The following METTL15 variants were observed in gnomAD, a reference collection of about 807,000 sequenced individuals.
The protein encoded by METTL15 is methyltransferase 15, mitochondrial 12S rRNA N4-cytidine, also known as 12S rRNA N(4)-cytidine methyltransferase METTL15.
Under a neutral mutation model 38.3 loss-of-function variants are expected in METTL15, and 34 were observed. The observed-to-expected ratio is 0.89, with a 90% CI of 0.68 to 1.18. The LOEUF is 1.18. Ranked by LOEUF, METTL15 falls within the 50% of genes most tolerant of loss-of-function variation. The pLI is 0.00. For missense variants in METTL15, 438 were observed against 498.4 expected (o/e 0.88, Z 1.15); for synonymous variants, 162 against 170.9 (o/e 0.95, Z 0.41).
At chr11:28,272,942 T>G (rs907928935) in intron 4 of METTL15, among the ~76,000 whole-genome samples, 3 of 152,204 alleles carry the variant, frequency 2.0e-5, no homozygotes, top group Non-Finnish European at 4.4e-5. Flanking sequence ...AAATATTTAT[T>G]GAGCACTTAT....
intron 6 of METTL15, chr11:28,327,966 CAA>C: frequency 1.1e-6 from 1 of 883,228 alleles, no homozygotes; most frequent in Non-Finnish European, 1.7e-6. Context: ...TGCAAAATAT[CAA>C]AGATAATGCT....
chr11:28,264,653 G>A (rs1204800000), intron 4 of METTL15, among the ~76,000 whole-genome samples: 4 of 152,028 alleles, frequency 2.6e-5, no homozygotes, highest in African/African-American at 9.7e-5. Flanking sequence ...AAACATTATA[G>A]TGCCCTAGAA....
At chr11:28,124,345 C>T (rs1421909091) in intron 3 of METTL15, among the ~76,000 whole-genome samples, 1 of 152,034 alleles carries the variant, frequency 6.6e-6, no homozygotes, top group Admixed American at 6.6e-5. Flanking sequence ...GTGACTATGC[C>T]CAAGCTCAGT....
chr11:28,276,541 A>G lies in METTL15; in HGVS notation c.408-13665A>G, dbSNP rs1009997909. ...AAAGCAATCTACAGATTTCACTACA[A>G]TCTGTATCAAACACCAATGTCATTC... On this transcript the variant is annotated intron_variant, in intron 4 of 6. Coordinates refer to ENST00000407364, the MANE Select transcript of METTL15 (RefSeq NM_001113528.2). Among the ~76,000 whole-genome samples the G allele has an allele frequency of 3.9e-5, 6 of 152,164 alleles. No individual in the cohort carries two copies. The South Asian group carries it at 6.2e-4, about 16-fold the overall frequency.
At chr11:28,363,615 A>G (rs1850160630) in intron 5 of METTL15, among the ~76,000 whole-genome samples, 1 of 152,008 alleles carries the variant, frequency 6.6e-6, no homozygotes, top group Admixed American at 6.5e-5. Context: ...GTTTGCAAAT[A>G]TTTTCTTCCA....
chr11:28,339,815 A>G (rs1849934282), intron 3 of METTL15, among the ~76,000 whole-genome samples: 1 of 152,170 alleles, frequency 6.6e-6, no homozygotes, highest in South Asian at 2.1e-4. Context: ...GGCATTCTCA[A>G]GGAATAAAAG....
At chr11:28,203,411 G>C (rs1590150933) in intron 3 of METTL15, among the ~76,000 whole-genome samples, 1 of 152,138 alleles carries the variant, frequency 6.6e-6, no homozygotes, top group African/African-American at 2.4e-5. Flanking sequence ...AACACTGGTT[G>C]TTTTTAACTG....
chr11:28,152,128 A>C (rs528095020), intron 3 of METTL15, among the ~76,000 whole-genome samples: 1 of 152,088 alleles, frequency 6.6e-6, no homozygotes, highest in African/African-American at 2.4e-5. Flanking sequence ...TACTTTATAT[A>C]CATTTTAGAC....
chr11:28,315,956 G>A (rs1166379384), intron 6 of METTL15, among the ~76,000 whole-genome samples: 1 of 152,240 alleles, frequency 6.6e-6, no homozygotes, highest in East Asian at 1.9e-4. Context: ...GCATGCCCAG[G>A]CAGATGTTTG....
chr11:28,290,723 A>G (rs1041524605), intron 5 of METTL15, among the ~76,000 whole-genome samples: 2 of 151,882 alleles, frequency 1.3e-5, no homozygotes, highest in South Asian at 2.1e-4. Flanking sequence ...CAACGATTTC[A>G]TTTTTTTGCA....
intron 5 of METTL15, among the ~76,000 whole-genome samples, chr11:28,395,231 T>A (rs763080251): frequency 1.5e-4 from 23 of 152,072 alleles, no homozygotes; most frequent in Non-Finnish European, 2.8e-4. Context: ...AGGTGCAGCA[T>A]AAGAGACTAG....
chr11:28,138,992 G>T (rs1849607823), intron 3 of METTL15, among the ~76,000 whole-genome samples: 1 of 152,084 alleles, frequency 6.6e-6, no homozygotes, highest in Non-Finnish European at 1.5e-5. Context: ...ACTTCACAGA[G>T]GACACAAACA....
intron 6 of METTL15, among the ~76,000 whole-genome samples, chr11:28,515,007 A>G (rs1166479780): frequency 1.3e-5 from 2 of 152,244 alleles, no homozygotes; most frequent in Non-Finnish European, 2.9e-5. Flanking sequence ...TAAAGAAATA[A>G]TGATATCTAT....
At chr11:28,438,672 CTTTTTTTTTTT>C (rs1171439330) in intron 6 of METTL15, among the ~76,000 whole-genome samples, 1 of 128,194 alleles carries the variant, frequency 7.8e-6, no homozygotes, top group Non-Finnish European at 1.7e-5. Context: ...TTTCTTTTTT[CTTTTTTTTTTT>C]TTTTTTTTGG....
intron 4 of METTL15, among the ~76,000 whole-genome samples, chr11:28,281,304 C>T (rs564461122): frequency 1.3e-5 from 2 of 152,248 alleles, no homozygotes; most frequent in East Asian, 3.9e-4. Flanking sequence ...AATTCTGGGG[C>T]TATTTCCTGG....
Position 28,331,501 on chromosome 11 carries a change from CT to C in METTL15, c.*662del, listed in dbSNP as rs1849814293. On this transcript the variant is annotated 3_prime_UTR_variant, in exon 7 of 7. Coordinates refer to ENST00000407364, the MANE Select transcript of METTL15 (RefSeq NM_001113528.2). ...CCTTACAGAGAATTGTTTCACAAAACTTATATTTCATGTCAATTGTATTTAT... is the reference window on the plus strand; with the variant it reads ...CCTTACAGAGAATTGTTTCACAAAACTATATTTCATGTCAATTGTATTTAT... 9 of 152,012 alleles carry C rather than the reference CT, an allele frequency of 5.9e-5. No individual in the cohort carries two copies. The highest frequency in any genetic ancestry group is 5.9e-4 in the Admixed American group (9 of 15,252). 9.4% of individuals were successfully genotyped at this position (152,012 alleles called of 1,614,324 possible).
intron 4 of METTL15, among the ~76,000 whole-genome samples, chr11:28,255,266 T>A (rs1204066370): frequency 6.6e-6 from 1 of 152,196 alleles, no homozygotes; most frequent in Non-Finnish European, 1.5e-5. Flanking sequence ...TTTCAGATAG[T>A]TTTCTATTGA....
chr11:28,502,522 C>A (rs1175113354), intron 6 of METTL15, among the ~76,000 whole-genome samples: 1 of 152,120 alleles, frequency 6.6e-6, no homozygotes, highest in East Asian at 1.9e-4. Context: ...CTGGATTCAA[C>A]TAAAGATAAT....
chr11:28,496,644 CT>C (rs1197498164), intron 6 of METTL15, among the ~76,000 whole-genome samples: 3 of 152,170 alleles, frequency 2.0e-5, no homozygotes, highest in Non-Finnish European at 4.4e-5. Context: ...CTTGGTTTGT[CT>C]CCTTTCTAGC....
Sources: allele counts gnomAD v4.1 joint callset (sites outside exome capture counted in the v4.1 genomes callset), GRCh38; gene constraint gnomAD v4.1.1; transcripts MANE v1.5; gene names NCBI Gene and HGNC (gene_info 2026-07-23, HGNC 2026-07-21).